The following NCALD variants were observed in gnomAD, a reference collection of about 807,000 sequenced individuals.
NCALD encodes neurocalcin delta.
A neutral mutation model predicts 18.6 loss-of-function variants in NCALD; 10 were observed. That is an observed-to-expected ratio of 0.54 (90% CI 0.33 to 0.91). NCALD has a LOEUF of 0.91. Among genes scored for constraint, NCALD ranks in the 40% least tolerant of loss-of-function variants. The pLI is 0.03. For synonymous variants in NCALD, 88 were observed against 87.4 expected, an observed-to-expected ratio of 1.01 and a Z score of -0.04; for missense variants, 184 against 247.6, an observed-to-expected ratio of 0.74 and a Z score of 1.72.
intron 1 of NCALD, among the ~76,000 whole-genome samples, chr8:102,050,028 G>A (rs1033206151): frequency 6.7e-6 from 1 of 150,044 alleles, no homozygotes; most frequent in Non-Finnish European, 1.5e-5. Flanking sequence ...CGGGCGCGGT[G>A]GCGGGCGCCT....
At chr8:101,985,726 C>A (rs1820783317) in intron 2 of NCALD, among the ~76,000 whole-genome samples, 1 of 152,164 alleles carries the variant, frequency 6.6e-6, no homozygotes, top group South Asian at 2.1e-4. Context: ...ACGTTAGGAT[C>A]CCTCAAACAT....
chr8:102,000,862 A>T (rs1452265067), intron 2 of NCALD, among the ~76,000 whole-genome samples: 2 of 152,240 alleles, frequency 1.3e-5, no homozygotes, highest in Non-Finnish European at 2.9e-5. Context: ...CAGCCACACC[A>T]AAACCCCATC....
At chr8:101,729,200 G>A (rs1816704330) in intron 1 of NCALD, among the ~76,000 whole-genome samples, 1 of 152,130 alleles carries the variant, frequency 6.6e-6, no homozygotes, top group Admixed American at 6.5e-5. Context: ...GAACCAGTGG[G>A]AATTTGAAAG....
intron 2 of NCALD, among the ~76,000 whole-genome samples, chr8:101,917,695 A>G (rs527810443): frequency 9.4e-4 from 143 of 152,162 alleles, no homozygotes; most frequent in Middle Eastern, 3.4e-3. Context: ...ATTATGAACA[A>G]TTCTATGCAT....
intron 2 of NCALD, among the ~76,000 whole-genome samples, chr8:101,699,317 C>A (rs909551169): frequency 1.3e-5 from 2 of 152,128 alleles, no homozygotes; most frequent in African/African-American, 4.8e-5. Context: ...TTGGTGGGAA[C>A]ATAAATTAGT....
chr8:101,961,877 G>A (rs1819849496), intron 2 of NCALD, among the ~76,000 whole-genome samples: 1 of 151,858 alleles, frequency 6.6e-6, no homozygotes, highest in Admixed American at 6.6e-5. Context: ...CAGTCATTTG[G>A]CTTGGGCCAC....
chr8:101,753,164 T>C (rs942202951), intron 1 of NCALD, among the ~76,000 whole-genome samples: 1 of 152,038 alleles, frequency 6.6e-6, no homozygotes, highest in African/African-American at 2.4e-5. Flanking sequence ...TTCAAAGAGG[T>C]GGTTGCATCC....
chr8:101,861,793 G>A (rs1216509644), intron 4 of NCALD, among the ~76,000 whole-genome samples: 1 of 152,130 alleles, frequency 6.6e-6, no homozygotes, highest in African/African-American at 2.4e-5. Context: ...AAGATAGGAA[G>A]GCAGATGAGA....
intron 1 of NCALD, among the ~76,000 whole-genome samples, chr8:101,735,087 G>C (rs1563712012): frequency 6.6e-6 from 1 of 152,182 alleles, no homozygotes; most frequent in Non-Finnish European, 1.5e-5. Flanking sequence ...AGGTAGATGG[G>C]AGGATGGATG....
intron 4 of NCALD, among the ~76,000 whole-genome samples, chr8:101,837,183 AG>A (rs1814447691): frequency 6.6e-6 from 1 of 152,152 alleles, no homozygotes; most frequent in African/African-American, 2.4e-5. Context: ...TTTTCTCATT[AG>A]GAACCTAAAT....
chr8:101,822,418 A>G (rs1456377846), intron 4 of NCALD, among the ~76,000 whole-genome samples: 1 of 152,124 alleles, frequency 6.6e-6, no homozygotes, highest in Non-Finnish European at 1.5e-5. Flanking sequence ...GTTTGGTTTC[A>G]ATTCCATTCC....
chr8:102,044,679 G>C (rs1194723026), intron 1 of NCALD, among the ~76,000 whole-genome samples: 1 of 152,220 alleles, frequency 6.6e-6, no homozygotes, highest in Non-Finnish European at 1.5e-5. Context: ...GGGACTCAGA[G>C]AGGTGTCCAA....
chr8:101,903,653 C>A (rs1054421140), intron 3 of NCALD, among the ~76,000 whole-genome samples: 1 of 152,164 alleles, frequency 6.6e-6, no homozygotes, highest in East Asian at 1.9e-4. Context: ...CCCTGAAATA[C>A]CTCTCTCAGC....
At chr8:101,951,265 G>C (rs1456871015) in intron 2 of NCALD, among the ~76,000 whole-genome samples, 1 of 152,140 alleles carries the variant, frequency 6.6e-6, no homozygotes, top group Non-Finnish European at 1.5e-5. Context: ...CAAAACGTTT[G>C]GTATAATTGT....
chr8:101,884,928 G>A (rs533337497), intron 4 of NCALD, among the ~76,000 whole-genome samples: 1 of 152,146 alleles, frequency 6.6e-6, no homozygotes, highest in East Asian at 1.9e-4. Context: ...TAAATGAAAG[G>A]TATTCTGTTG....
At chr8:101,932,094 G>A (rs1402187919) in intron 2 of NCALD, among the ~76,000 whole-genome samples, 5 of 152,248 alleles carry the variant, frequency 3.3e-5, no homozygotes, top group African/African-American at 9.6e-5. Flanking sequence ...TCTGTTTTCA[G>A]TGGCAGTTGG....
intron 3 of NCALD, chr8:101,690,310 C>T (rs1814665995): frequency 1.0e-6 from 1 of 984,830 alleles, no homozygotes; most frequent in African/African-American, 1.7e-5. Flanking sequence ...AAGTGACATG[C>T]TCGATTGGTA....
intron 3 of NCALD, among the ~76,000 whole-genome samples, chr8:101,912,700 A>C (rs1490873843): frequency 6.6e-6 from 1 of 152,214 alleles, no homozygotes; most frequent in Non-Finnish European, 1.5e-5. Flanking sequence ...TCTGTTTTGT[A>C]ATTCTCCTAT....
chr8:102,015,336 G>A (rs1409866073), intron 2 of NCALD, among the ~76,000 whole-genome samples: 1 of 152,000 alleles, frequency 6.6e-6, no homozygotes, highest in East Asian at 1.9e-4. Context: ...TGCCATTGTA[G>A]CCATGTATTT....
Sources: gnomAD v4.1 joint callset for allele counts (sites outside exome capture counted in the v4.1 genomes callset) on GRCh38, gnomAD v4.1.1 for gene constraint, MANE v1.5 for transcripts, NCBI Gene and HGNC (gene_info 2026-07-23, HGNC 2026-07-21) for gene names.